The following PDE3A variants were observed in gnomAD, a reference collection of about 807,000 sequenced individuals.
PDE3A encodes cGMP-inhibited 3',5'-cyclic phosphodiesterase 3A.
In PDE3A, 43 loss-of-function variants were observed where a neutral mutation model predicts 98.3. That is an observed-to-expected ratio of 0.44 (90% CI 0.34 to 0.56). The LOEUF is 0.56. PDE3A is among the 20% of genes least tolerant of loss of function. The pLI, the probability that PDE3A is intolerant of heterozygous loss-of-function variation, is 0.01. For synonymous variants in PDE3A, 663 were observed against 567.9 expected, an observed-to-expected ratio of 1.17 and a Z score of -2.38; for missense variants, 1,427 against 1,440.7, an observed-to-expected ratio of 0.99 and a Z score of 0.15.
At chr12:20,541,615 A>G (rs758522720) in intron 1 of PDE3A, among the ~76,000 whole-genome samples, 2 of 151,770 alleles carry the variant, frequency 1.3e-5, no homozygotes, top group Non-Finnish European at 2.9e-5. Context: ...CTTTTTTTCT[A>G]TTTCTTCCTT....
At chr12:20,426,476 A>C (rs561665121) in intron 1 of PDE3A, among the ~76,000 whole-genome samples, 6 of 152,230 alleles carry the variant, frequency 3.9e-5, no homozygotes, top group Non-Finnish European at 8.8e-5. Context: ...CACTGGCCGC[A>C]TCACGGCTGG....
At chr12:20,370,901 A>G (rs1330385129) in intron 1 of PDE3A, among the ~76,000 whole-genome samples, 3 of 152,210 alleles carry the variant, frequency 2.0e-5, no homozygotes, top group African/African-American at 7.2e-5. Flanking sequence ...TTGTATCACA[A>G]ACTTCAACTT....
chr12:20,484,376 T>G (rs572314845), intron 1 of PDE3A, among the ~76,000 whole-genome samples: 1 of 152,326 alleles, frequency 6.6e-6, no homozygotes, highest in African/African-American at 2.4e-5. Flanking sequence ...TAAAACCCAT[T>G]TGTAATAAAA....
At chr12:20,524,095 A>G (rs542001490) in intron 1 of PDE3A, among the ~76,000 whole-genome samples, 3 of 152,330 alleles carry the variant, frequency 2.0e-5, no homozygotes, top group Admixed American at 2.0e-4. Context: ...TAGAACTACC[A>G]TCACGGCCCC....
At chr12:20,615,683 T>G (rs1943987423) in intron 3 of PDE3A, among the ~76,000 whole-genome samples, 1 of 152,142 alleles carries the variant, frequency 6.6e-6, no homozygotes, top group Admixed American at 6.5e-5. Flanking sequence ...ATCACATATT[T>G]GTATAAGCAT....
chr12:20,518,706 T>G (rs1946366630), intron 1 of PDE3A, among the ~76,000 whole-genome samples: 1 of 152,220 alleles, frequency 6.6e-6, no homozygotes, highest in African/African-American at 2.4e-5. Flanking sequence ...GTGACCAATT[T>G]TTTTGGTAAA....
intron 1 of PDE3A, among the ~76,000 whole-genome samples, chr12:20,527,919 A>G (rs1946554715): frequency 6.6e-6 from 1 of 151,430 alleles, no homozygotes; most frequent in African/African-American, 2.4e-5. Context: ...TAACTTTAAA[A>G]GGAAAAAAAA....
At chr12:20,450,250 T>A (rs1945040742) in intron 1 of PDE3A, among the ~76,000 whole-genome samples, 1 of 152,188 alleles carries the variant, frequency 6.6e-6, no homozygotes, top group South Asian at 2.1e-4. Context: ...TTCTCAAAAT[T>A]GTGAGGTTTA....
chr12:20,414,331 C>A (rs1173276262), intron 1 of PDE3A, among the ~76,000 whole-genome samples: 1 of 152,182 alleles, frequency 6.6e-6, no homozygotes, highest in African/African-American at 2.4e-5. Context: ...GGCAGACAAC[C>A]ATAGATTTCA....
chr12:20,416,510 T>C (rs751610788), intron 1 of PDE3A, among the ~76,000 whole-genome samples: 1 of 152,210 alleles, frequency 6.6e-6, no homozygotes, highest in East Asian at 1.9e-4. Context: ...AGCCGCTATG[T>C]GCCAGGAATA....
In PDE3A at chr12:20,370,214, G is replaced by A; in HGVS notation, c.930G>A (p.Arg310=). 6.2e-7 allele frequency: 1 copy of A among 1,600,120 alleles called. No individual in the cohort carries two copies. Among genetic ancestry groups the A allele is most frequent in the South Asian group, 1.1e-5 (1 of 88,310 alleles). ...MSGCSSKSHR[R]TSLPCIPREQ... is the part of the protein sequence containing the mutation. ...GCTGCAGCAGCAAGTCCCATCGGAG[G>A]ACCTCCCTGCCCTGTATACCGAGGG... The change falls in exon 1 of 16, where the codon AGG becomes AGA. Residue 310 remains arginine (R), a synonymous_variant. Coordinates refer to ENST00000359062, the MANE Select transcript of PDE3A (RefSeq NM_000921.5).
intron 1 of PDE3A, among the ~76,000 whole-genome samples, chr12:20,521,726 A>G (rs920821282): frequency 3.9e-5 from 6 of 152,148 alleles, no homozygotes; most frequent in Non-Finnish European, 7.4e-5. Context: ...ATTAACCTCA[A>G]TAGGGAAGGT....
At chr12:20,438,043 C>T (rs181605819) in intron 1 of PDE3A, among the ~76,000 whole-genome samples, 2 of 151,874 alleles carry the variant, frequency 1.3e-5, no homozygotes, top group African/African-American at 4.8e-5. Flanking sequence ...TACAAAGCAG[C>T]CCTGTGCAAG....
At chr12:20,544,777 T>G (rs1220022209) in intron 1 of PDE3A, among the ~76,000 whole-genome samples, 2 of 151,996 alleles carry the variant, frequency 1.3e-5, no homozygotes, top group Non-Finnish European at 2.9e-5. Context: ...CCTCTATGGT[T>G]TCTTGGTGAT....
At chr12:20,460,872 T>C (rs1351057441) in intron 1 of PDE3A, among the ~76,000 whole-genome samples, 1 of 152,118 alleles carries the variant, frequency 6.6e-6, no homozygotes, top group African/African-American at 2.4e-5. Context: ...AAACACTAGC[T>C]TCCCTCAGTC....
At chr12:20,431,558 CTG>C (rs1251674510) in intron 1 of PDE3A, among the ~76,000 whole-genome samples, 4 of 151,756 alleles carry the variant, frequency 2.6e-5, no homozygotes, top group Non-Finnish European at 5.9e-5. Context: ...TGTTAGGAAA[CTG>C]TGCCTTGCCT....
chr12:20,448,651 T>C (rs1247640425), intron 1 of PDE3A, among the ~76,000 whole-genome samples: 4 of 152,186 alleles, frequency 2.6e-5, no homozygotes, highest in Non-Finnish European at 5.9e-5. Context: ...CTTACCTACG[T>C]AATTTCTAAT....
At chr12:20,371,041 A>G (rs58032125) in intron 1 of PDE3A, among the ~76,000 whole-genome samples, 216 of 152,360 alleles carry the variant, frequency 1.4e-3, no homozygotes, top group African/African-American at 4.9e-3. Flanking sequence ...AAATGGATTT[A>G]TGCAGATTTT....
rs1246504035 is a variant in PDE3A, at chr12:20,686,843, A to C, written c.*6572A>C. ...TCCTTGTAAAGTCCATGGTACTAAG[A>C]AGCAAAAAATGCAGAGCTGTGGATT... On this transcript the variant is annotated 3_prime_UTR_variant, in exon 16 of 16. Transcript: ENST00000359062. 6.6e-6 allele frequency among the ~76,000 whole-genome samples: 1 copy of C among 152,142 alleles called. No homozygotes were observed. Among genetic ancestry groups the C allele is most frequent in the Non-Finnish European group, 1.5e-5 (1 of 67,990 alleles).
Sources: allele counts gnomAD v4.1 joint callset (sites outside exome capture counted in the v4.1 genomes callset), GRCh38; gene constraint gnomAD v4.1.1; transcripts MANE v1.5; gene names NCBI Gene and HGNC (gene_info 2026-07-23, HGNC 2026-07-21).